MYRIP: variants seen among roughly 807,000 people sequenced by gnomAD.
MYRIP encodes the protein myosin VIIA and Rab interacting protein.
MYRIP carries 49 observed loss-of-function variants against 98.0 expected under a neutral mutation model. The observed-to-expected ratio is 0.50, with a 90% confidence interval of 0.40 to 0.63. The LOEUF (loss-of-function observed/expected upper bound fraction) is 0.63, where lower values mean the gene tolerates loss of function less well. Among genes scored for constraint, MYRIP ranks in the 30% least tolerant of loss-of-function variants. The pLI is 0.00. For missense variants in MYRIP, 1,004 were observed against 1,058.2 expected (o/e 0.95, Z 0.71); for synonymous variants, 404 against 409.5 (o/e 0.99, Z 0.16).
At chr3:39,969,694 C>T (rs1945529434) in intron 2 of MYRIP, among the ~76,000 whole-genome samples, 1 of 152,080 alleles carries the variant, frequency 6.6e-6, no homozygotes, top group Non-Finnish European at 1.5e-5. Context: ...CGTGGATTAG[C>T]TTTTTGTTAC....
At chr3:40,001,108 TTAAC>T (rs1164145546) in intron 2 of MYRIP, among the ~76,000 whole-genome samples, 1 of 152,170 alleles carries the variant, frequency 6.6e-6, no homozygotes, top group Non-Finnish European at 1.5e-5. Flanking sequence ...TAGAAAAAAT[TTAAC>T]AAGCATAACT....
At position 40,166,889 on chromosome 3, in the gene MYRIP, T is replaced by A. The variant is rs201040112; in HGVS notation, c.594T>A (p.Ala198=). The part of the protein sequence containing the change: ...MDTLAVALRV[A]EEAIEEAISK... ...CCTTGGCTGTGGCCCTACGGGTGGC[T>A]GAAGAGGCCATTGAGGAAGCAATTT... is the stretch of plus-strand genomic sequence containing the variant. Residue 198 remains alanine (A), a synonymous_variant, in exon 6 of 17, where the codon GCT becomes GCA. Coordinates refer to ENST00000302541, the MANE Select transcript of MYRIP (RefSeq NM_015460.4). 104 of 1,613,964 alleles carry A rather than the reference T, an allele frequency of 6.4e-5. No individual in the cohort carries two copies. Among genetic ancestry groups the A allele is most frequent in the Non-Finnish European group, 8.8e-5 (104 of 1,179,972 alleles).
intron 2 of MYRIP, among the ~76,000 whole-genome samples, chr3:40,011,911 C>T (rs960005836): frequency 6.6e-6 from 1 of 152,070 alleles, no homozygotes; most frequent in Non-Finnish European, 1.5e-5. Context: ...AGGCTGATTT[C>T]CAATATGTAA....
At chr3:39,864,522 A>T (rs569404027) in intron 1 of MYRIP, among the ~76,000 whole-genome samples, 2 of 152,262 alleles carry the variant, frequency 1.3e-5, no homozygotes, top group South Asian at 4.1e-4. Flanking sequence ...AAGCTGAGAG[A>T]CAAATCAGTA....
intron 2 of MYRIP, among the ~76,000 whole-genome samples, chr3:39,975,585 T>C (rs961944597): frequency 2.2e-4 from 33 of 151,926 alleles, no homozygotes; most frequent in African/African-American, 3.9e-4. Flanking sequence ...GAGCCCGCAT[T>C]GCCAAGTCAA....
chr3:40,123,915 T>G (rs1949462444), intron 3 of MYRIP, among the ~76,000 whole-genome samples: 1 of 152,184 alleles, frequency 6.6e-6, no homozygotes, highest in Admixed American at 6.5e-5. Context: ...TGACAGCTAT[T>G]CCTGAGAACT....
chr3:39,984,010 C>T (rs1945960246), intron 2 of MYRIP, among the ~76,000 whole-genome samples: 1 of 152,030 alleles, frequency 6.6e-6, no homozygotes, highest in South Asian at 2.1e-4. Context: ...CCAGTGAAAG[C>T]ATTAAATTAT....
intron 3 of MYRIP, among the ~76,000 whole-genome samples, chr3:40,072,216 T>C (rs1034177000): frequency 2.0e-5 from 3 of 152,160 alleles, no homozygotes; most frequent in African/African-American, 7.2e-5. Flanking sequence ...TTATTTTTTA[T>C]TTATTTTTTG....
intron 2 of MYRIP, among the ~76,000 whole-genome samples, chr3:39,927,742 A>C (rs1944448495): frequency 6.6e-6 from 1 of 152,020 alleles, no homozygotes; most frequent in Non-Finnish European, 1.5e-5. Flanking sequence ...CAGCAAAAAA[A>C]GAAAACTACA....
At chr3:39,886,651 T>G (rs961558266) in intron 1 of MYRIP, among the ~76,000 whole-genome samples, 22 of 152,036 alleles carry the variant, frequency 1.4e-4, no homozygotes, top group Non-Finnish European at 3.1e-4. Flanking sequence ...ATCCTAAATA[T>G]ATATGCACCC....
chr3:39,935,139 G>A (rs1381286455), intron 2 of MYRIP, among the ~76,000 whole-genome samples: 1 of 152,152 alleles, frequency 6.6e-6, no homozygotes. Context: ...TTTGTGCCTG[G>A]GTGTAAACAC....
At chr3:39,867,490 C>T (rs1038837267) in intron 1 of MYRIP, among the ~76,000 whole-genome samples, 3 of 132,722 alleles carry the variant, frequency 2.3e-5, no homozygotes, top group African/African-American at 8.8e-5. Flanking sequence ...CTCACAAATC[C>T]CATTTAAAAA....
chr3:40,233,493 C>A (rs1202451456), intron 11 of MYRIP, among the ~76,000 whole-genome samples: 1 of 152,194 alleles, frequency 6.6e-6, no homozygotes, highest in Non-Finnish European at 1.5e-5. Flanking sequence ...GACCACACTT[C>A]AGTCTGAGAC....
intron 2 of MYRIP, among the ~76,000 whole-genome samples, chr3:39,964,654 A>G (rs774175928): frequency 6.6e-6 from 1 of 152,148 alleles, no homozygotes; most frequent in Non-Finnish European, 1.5e-5. Context: ...TCCTTGCTTC[A>G]GGGTCAGGCT....
In MYRIP at chr3:40,088,967, G is replaced by C. The variant is rs962766333; in HGVS notation, c.332+44696G>C. ...GTAACCAGAGGAATGGTAAGACACA[G>C]AGAGAGAGAGATCTAGGCATGCAGA... On this transcript the variant is annotated intron_variant, in intron 3 of 16. Transcript: ENST00000302541. 5.9e-5 allele frequency among the ~76,000 whole-genome samples: 9 copies of C among 151,834 alleles called. No individual in the cohort carries two copies. The South Asian group carries it at 8.3e-4, about 14-fold the overall frequency.
At chr3:39,859,168 T>A (rs998845638) in intron 1 of MYRIP, among the ~76,000 whole-genome samples, 2 of 149,654 alleles carry the variant, frequency 1.3e-5, no homozygotes, top group Admixed American at 1.3e-4. Flanking sequence ...GGAGAGGACT[T>A]GAGTAAATAA....
At chr3:40,138,283 C>T (rs544249926) in intron 3 of MYRIP, among the ~76,000 whole-genome samples, 2 of 152,214 alleles carry the variant, frequency 1.3e-5, no homozygotes, top group African/African-American at 4.8e-5. Context: ...CCAGTGAGTA[C>T]CAAGGGTCTG....
At position 40,220,191 on chromosome 3, in the gene MYRIP, T is replaced by C. The variant is rs527364186; in HGVS notation, c.1905+10098T>C. Among the ~76,000 whole-genome samples, 58 of 152,252 alleles carry C rather than the reference T, an allele frequency of 3.8e-4. 1 individual carries two copies. Among genetic ancestry groups the C allele is most frequent in the Admixed American group, 1.4e-3 (22 of 15,274 alleles). ...ACTTTTTGATGGGGTTGTTTGTTTT[T>C]TTCTTGTAAATTTGTTTGAGTTCAT... is the stretch of plus-strand genomic sequence containing the variant. On this transcript the variant is annotated intron_variant, in intron 11 of 16. Transcript: ENST00000302541.
intron 1 of MYRIP, among the ~76,000 whole-genome samples, chr3:39,879,583 G>A (rs999131937): frequency 8.5e-5 from 13 of 152,176 alleles, no homozygotes; most frequent in South Asian, 6.2e-4. Context: ...AGATTTTGTC[G>A]TTAGACTTAT....
Sources: gnomAD v4.1 joint callset for allele counts (sites outside exome capture counted in the v4.1 genomes callset) on GRCh38, gnomAD v4.1.1 for gene constraint, MANE v1.5 for transcripts, NCBI Gene and HGNC (gene_info 2026-07-23, HGNC 2026-07-21) for gene names.